ANK3: variants seen among roughly 807,000 people sequenced by gnomAD.
The protein encoded by ANK3 is ankyrin 3.
In ANK3, 57 loss-of-function variants were observed where a neutral mutation model predicts 370.9. The observed-to-expected ratio is 0.15, with a 90% CI of 0.12 to 0.19. ANK3 has a LOEUF of 0.19. Ranked by LOEUF, ANK3 falls within the 10% of genes least tolerant of loss-of-function variation. The pLI, the probability that ANK3 is intolerant of heterozygous loss-of-function variation, is 1.00. For synonymous variants in ANK3, 1,929 were observed against 1,946.3 expected, an observed-to-expected ratio of 0.99 and a Z score of 0.23; for missense variants, 4,439 against 5,302.1, an observed-to-expected ratio of 0.84 and a Z score of 5.06.
intron 41 of ANK3, among the ~76,000 whole-genome samples, chr10:60,056,462 C>T (rs2079190413): frequency 6.6e-6 from 1 of 152,070 alleles, no homozygotes; most frequent in Non-Finnish European, 1.5e-5. Flanking sequence ...GAGTGAGACT[C>T]TGTCTCAAAA....
intron 1 of ANK3, among the ~76,000 whole-genome samples, chr10:60,369,094 G>GT (rs2059778051): frequency 6.7e-6 from 1 of 149,290 alleles, no homozygotes; most frequent in South Asian, 2.2e-4. Context: ...TTATACTTCG[G>GT]TTTAAAAAAA....
chr10:60,636,978 C>G (rs1351056148), intron 1 of ANK3, among the ~76,000 whole-genome samples: 1 of 152,176 alleles, frequency 6.6e-6, no homozygotes, highest in Non-Finnish European at 1.5e-5. Context: ...ACCCTTCATA[C>G]CTGTTTCTTA....
chr10:60,270,558 G>C (rs890822035), intron 4 of ANK3, among the ~76,000 whole-genome samples: 2 of 152,086 alleles, frequency 1.3e-5, no homozygotes, highest in African/African-American at 4.8e-5. Flanking sequence ...CACTTATTGA[G>C]AGTCTACCAT....
intron 26 of ANK3, among the ~76,000 whole-genome samples, chr10:60,112,353 C>G (rs1378511438): frequency 6.6e-6 from 1 of 151,522 alleles, no homozygotes; most frequent in Non-Finnish European, 1.5e-5. Context: ...CTTCTTGAAT[C>G]TGATTTTTTC....
chr10:60,228,145 ATTTC>A (rs1356227394), intron 8 of ANK3, among the ~76,000 whole-genome samples: 1 of 152,132 alleles, frequency 6.6e-6, no homozygotes, highest in African/African-American at 2.4e-5. Flanking sequence ...CATAGTTTGT[ATTTC>A]TTTCTATCAT....
Position 60,199,996 on chromosome 10 carries a change from G to A in ANK3, c.1491+133C>T, listed in dbSNP as rs1047909077. 7 of 646,474 alleles carry A rather than the reference G, an allele frequency of 1.1e-5. No individual in the cohort carries two copies. The African/African-American group carries it at 1.3e-4, about 12-fold the overall frequency. The allele number at this position is 646,474 out of a possible 1,614,324, so 40.0% of individuals were successfully genotyped here. A position where few individuals can be genotyped will look rare whatever the true frequency, so the allele number is the denominator to read the frequency against. On this transcript the variant is annotated intron_variant, in intron 13 of 43. Coordinates refer to ENST00000280772, the MANE Select transcript of ANK3 (RefSeq NM_020987.5). ...GATTTTTTACAATGTTACTTGGGTA[G>A]GGACTTTTATCATTGGAGGTTTTTC...
At position 60,693,095 on chromosome 10, in the gene ANK3, C is replaced by T. The variant is rs995514174; in HGVS notation, c.57+40168G>A. ...GCGAGGCATTGCCTCACTCGGGAAG[C>T]GCAAGGGGTCAGGGAGTTCCCTTTC... On this transcript the variant is annotated intron_variant, in intron 1 of 43. Transcript: ENST00000373827. Among the ~76,000 whole-genome samples the T allele has an allele frequency of 1.1e-3, 163 of 152,272 alleles. 1 individual carries two copies. The highest frequency in any genetic ancestry group is 6.8e-3 in the Middle Eastern group (2 of 294).
intron 1 of ANK3, among the ~76,000 whole-genome samples, chr10:60,648,081 G>A (rs1387729134): frequency 3.3e-5 from 5 of 150,714 alleles, no homozygotes; most frequent in African/African-American, 1.2e-4. Context: ...TCTTGACCTC[G>A]TGATCCACCC....
chr10:60,519,777 T>C lies in ANK3; in HGVS notation c.96+95409A>G, dbSNP rs151046122. Among the ~76,000 whole-genome samples the C allele has an allele frequency of 7.2e-5, 11 of 152,264 alleles. No homozygotes were observed. In the East Asian group the frequency reaches 1.4e-3, roughly 19 times the overall value. On this transcript the variant is annotated intron_variant, in intron 2 of 43. Coordinates refer to the ANK3 transcript ENST00000373827. ...AGCTTATATTCTCTTGTTCATTTTA[T>C]TACACCTGACCACAGTAAGAACCAA...
At chr10:60,466,444 G>A (rs2065013557) in intron 2 of ANK3, among the ~76,000 whole-genome samples, 1 of 152,124 alleles carries the variant, frequency 6.6e-6, no homozygotes, top group Non-Finnish European at 1.5e-5. Context: ...TATTCCTATT[G>A]TAATGATATA....
intron 2 of ANK3, among the ~76,000 whole-genome samples, chr10:60,516,836 G>C (rs1422136013): frequency 2.0e-5 from 3 of 152,022 alleles, no homozygotes; most frequent in Admixed American, 6.6e-5. Flanking sequence ...TGTCACTAAA[G>C]GGATCACAGA....
chr10:60,078,708 A>C (rs1312291598), intron 36 of ANK3, among the ~76,000 whole-genome samples: 3 of 152,156 alleles, frequency 2.0e-5, no homozygotes, highest in African/African-American at 7.2e-5. Flanking sequence ...CCTGGGGGGA[A>C]GGGGTTGGAA....
chr10:60,089,456 A>G (rs1435949718), intron 28 of ANK3, among the ~76,000 whole-genome samples: 3 of 131,296 alleles, frequency 2.3e-5, no homozygotes, highest in African/African-American at 8.6e-5. Context: ...CAGTCCATCC[A>G]GGTTGTGTGT....
At chr10:60,076,474 T>A in intron 36 of ANK3, 26 bp from the exon 37 acceptor site, 3 of 1,533,734 alleles carry the variant, frequency 2.0e-6, no homozygotes, top group Admixed American at 2.2e-5. Flanking sequence ...TAAAATGAAA[T>A]CAAACACAAA....
intron 1 of ANK3, among the ~76,000 whole-genome samples, chr10:60,350,566 C>G (rs973831944): frequency 5.9e-5 from 9 of 152,126 alleles, no homozygotes; most frequent in Non-Finnish European, 8.8e-5. Flanking sequence ...TCCTATTTCC[C>G]CAGGAAAGAG....
At chr10:60,401,332 A>T (rs1025544279) in intron 2 of ANK3, among the ~76,000 whole-genome samples, 8 of 152,174 alleles carry the variant, frequency 5.3e-5, no homozygotes, top group Non-Finnish European at 1.2e-4. Flanking sequence ...AGGCAATGAT[A>T]CTAAACTGTA....
intron 2 of ANK3, among the ~76,000 whole-genome samples, chr10:60,529,498 T>A (rs757030713): frequency 6.6e-6 from 1 of 152,140 alleles, no homozygotes; most frequent in African/African-American, 2.4e-5. Context: ...TATATGGACA[T>A]GTTTGGGGGC....
At chr10:60,350,420 T>C (rs2056611227) in intron 1 of ANK3, among the ~76,000 whole-genome samples, 1 of 152,072 alleles carries the variant, frequency 6.6e-6, no homozygotes. Context: ...GCTCAAGCAA[T>C]ATGGGGTCTT....
chr10:60,126,700 A>G (rs190736859), intron 25 of ANK3, among the ~76,000 whole-genome samples: 1,675 of 150,376 alleles, frequency 0.011, 28 homozygotes, highest in African/African-American at 0.039. Flanking sequence ...AAAAAAAAAA[A>G]GAAAAGAAAA....
Sources: gnomAD v4.1 joint callset for allele counts (sites outside exome capture counted in the v4.1 genomes callset) on GRCh38, gnomAD v4.1.1 for gene constraint, MANE v1.5 for transcripts, NCBI Gene and HGNC (gene_info 2026-07-23, HGNC 2026-07-21) for gene names.